The following BDNF variants were observed in gnomAD, a reference collection of about 807,000 sequenced individuals.
The protein encoded by BDNF is brain derived neurotrophic factor, also known as neurotrophic factor BDNF precursor form.
In BDNF, 1 loss-of-function variant was observed where a neutral mutation model predicts 19.5. The observed-to-expected ratio is 0.05, with a 90% CI of 0.02 to 0.24. The LOEUF (loss-of-function observed/expected upper bound fraction) is 0.24, where lower values mean the gene tolerates loss of function less well. Among genes scored for constraint, BDNF ranks in the 10% least tolerant of loss-of-function variants. The pLI is 1.00. For missense variants in BDNF, 195 were observed against 317.6 expected (o/e 0.61, Z 2.93); for synonymous variants, 100 against 121.6 (o/e 0.82, Z 1.17).
intron 1 of BDNF, among the ~76,000 whole-genome samples, chr11:27,697,253 C>T (rs1429471925): frequency 1.3e-5 from 2 of 151,972 alleles, no homozygotes; most frequent in African/African-American, 2.4e-5. Context: ...CTCTGCTATA[C>T]TATCAGGTGG....
intron 1 of BDNF, among the ~76,000 whole-genome samples, chr11:27,681,642 T>C (rs564316391): frequency 6.6e-6 from 1 of 152,284 alleles, no homozygotes; most frequent in East Asian, 1.9e-4. Flanking sequence ...GTTTTAGTCT[T>C]GTAAACTTTG....
At chr11:27,714,467 T>C (rs1449696265) in intron 1 of BDNF, among the ~76,000 whole-genome samples, 1 of 152,178 alleles carries the variant, frequency 6.6e-6, no homozygotes, top group Non-Finnish European at 1.5e-5. Flanking sequence ...GTAAATTTGA[T>C]AGCAGGTCTT....
chr11:27,687,693 G>T (rs575706817), intron 1 of BDNF, among the ~76,000 whole-genome samples: 86 of 152,304 alleles, frequency 5.6e-4, no homozygotes, highest in African/African-American at 2.0e-3. Context: ...GAATTTGGTG[G>T]AGGTCCACTC....
At chr11:27,676,194 T>TCCTG (rs1221997242) in intron 1 of BDNF, 1 of 152,242 alleles carries the variant, frequency 6.6e-6, no homozygotes, top group Non-Finnish European at 1.5e-5. Flanking sequence ...AGCTAGATTT[T>TCCTG]GGCAGTCCAT....
chr11:27,711,272 A>G (rs1453902708), intron 1 of BDNF, among the ~76,000 whole-genome samples: 3 of 152,216 alleles, frequency 2.0e-5, no homozygotes, highest in Non-Finnish European at 4.4e-5. Context: ...TGCTCACCAT[A>G]GTGAGCTCAA....
At chr11:27,693,741 C>T (rs1473656535) in intron 1 of BDNF, among the ~76,000 whole-genome samples, 1 of 152,134 alleles carries the variant, frequency 6.6e-6, no homozygotes, top group Non-Finnish European at 1.5e-5. Flanking sequence ...AATAAGTGAA[C>T]ATGTGAAAAG....
At chr11:27,713,393 T>A (rs1427634444) in intron 1 of BDNF, among the ~76,000 whole-genome samples, 1 of 152,198 alleles carries the variant, frequency 6.6e-6, no homozygotes, top group East Asian at 1.9e-4. Context: ...TCCCTTTTTA[T>A]TTCTCAATTT....
chr11:27,704,846 A>G (rs1590477942), upstream of BDNF, among the ~76,000 whole-genome samples: 1 of 152,226 alleles, frequency 6.6e-6, no homozygotes, highest in South Asian at 2.1e-4. Context: ...TTTATGAACC[A>G]TAAGAATAGC....
At chr11:27,674,193 A>T in intron 1 of BDNF, 6 of 1,606,880 alleles carry the variant, frequency 3.7e-6, no homozygotes, top group Non-Finnish European at 3.4e-6. Flanking sequence ...ACATGTGTGG[A>T]CCTGCAACCC....
At chr11:27,689,341 G>A (rs1289898162) in intron 1 of BDNF, among the ~76,000 whole-genome samples, 4 of 152,154 alleles carry the variant, frequency 2.6e-5, no homozygotes, top group African/African-American at 9.7e-5. Context: ...TTCCTCCTCT[G>A]TTATATAGAA....
At chr11:27,697,365 T>C (rs1417597064) in intron 1 of BDNF, 1 of 152,224 alleles carries the variant, frequency 6.6e-6, no homozygotes. Context: ...GCTGGGACTC[T>C]TAAAGATTCC....
chr11:27,667,368 A>G (rs556696978), intron 1 of BDNF, among the ~76,000 whole-genome samples: 1 of 152,240 alleles, frequency 6.6e-6, no homozygotes, highest in African/African-American at 2.4e-5. Context: ...ACTAACGAGC[A>G]AAATAACCAG....
chr11:27,678,734 A>G (rs1449831613), intron 1 of BDNF, among the ~76,000 whole-genome samples: 2 of 152,190 alleles, frequency 1.3e-5, no homozygotes, highest in Non-Finnish European at 2.9e-5. Context: ...ACTTTTGAAA[A>G]GTCTCCCTAG....
At chr11:27,679,795 C>G (rs921720328) in intron 1 of BDNF, among the ~76,000 whole-genome samples, 1 of 152,228 alleles carries the variant, frequency 6.6e-6, no homozygotes, top group African/African-American at 2.4e-5. Flanking sequence ...AATACAAGTT[C>G]CTGTTTCACC....
At chr11:27,690,448 C>T (rs1448073649) in intron 1 of BDNF, among the ~76,000 whole-genome samples, 2 of 152,080 alleles carry the variant, frequency 1.3e-5, no homozygotes, top group Non-Finnish European at 2.9e-5. Flanking sequence ...TTCACACACA[C>T]ACACACACAC....
chr11:27,678,962 G>A (rs1443940670), intron 1 of BDNF, among the ~76,000 whole-genome samples: 2 of 152,124 alleles, frequency 1.3e-5, no homozygotes, highest in African/African-American at 2.4e-5. Context: ...CATTCCAATA[G>A]GCTAGAAATA....
chr11:27,706,864 G>A (rs956597732), intron 1 of BDNF, among the ~76,000 whole-genome samples: 1 of 152,286 alleles, frequency 6.6e-6, no homozygotes. Flanking sequence ...ACAAAGCTAC[G>A]TCTTCTGTCC....
At chr11:27,698,661 A>G (rs1859481606) in intron 1 of BDNF, among the ~76,000 whole-genome samples, 1 of 152,178 alleles carries the variant, frequency 6.6e-6, no homozygotes, top group Non-Finnish European at 1.5e-5. Context: ...ATTTAATATC[A>G]TGTCGCCTTT....
At chr11:27,682,467 G>A (rs1856967280) in intron 1 of BDNF, among the ~76,000 whole-genome samples, 1 of 151,722 alleles carries the variant, frequency 6.6e-6, no homozygotes, top group Admixed American at 6.6e-5. Flanking sequence ...GTGCAGGTTT[G>A]TTACCTAGGT....
Sources: allele counts gnomAD v4.1 joint callset (sites outside exome capture counted in the v4.1 genomes callset), GRCh38; gene constraint gnomAD v4.1.1; transcripts MANE v1.5; gene names NCBI Gene and HGNC (gene_info 2026-07-23, HGNC 2026-07-21).